UGP2: variants seen among roughly 807,000 people sequenced by gnomAD.
UGP2 encodes the protein UDP-glucose pyrophosphorylase 2.
Under a neutral mutation model 49.0 loss-of-function variants are expected in UGP2, and 40 were observed. The ratio of observed to expected loss-of-function variants is 0.82; its 90% confidence interval spans 0.63 to 1.06. The LOEUF (loss-of-function observed/expected upper bound fraction) is 1.06, where lower values mean the gene tolerates loss of function less well. Ranked by LOEUF, UGP2 falls within the 50% of genes least tolerant of loss-of-function variation. UGP2 has a pLI of 0.00. For missense variants in UGP2, 460 were observed against 603.5 expected (o/e 0.76, Z 2.49); for synonymous variants, 225 against 213.0 (o/e 1.06, Z -0.49).
At chr2:63,882,947 A>G (rs1263955565) in intron 4 of UGP2, among the ~76,000 whole-genome samples, 1 of 152,136 alleles carries the variant, frequency 6.6e-6, no homozygotes, top group Non-Finnish European at 1.5e-5. Context: ...AGCCTTCATC[A>G]AGGCTGGGAT....
intron 1 of UGP2, among the ~76,000 whole-genome samples, chr2:63,853,847 T>A (rs550610600): frequency 6.6e-6 from 1 of 152,246 alleles, no homozygotes; most frequent in East Asian, 1.9e-4. Flanking sequence ...ACAGGAAGAA[T>A]TAGGAAACTG....
chr2:63,877,854 G>A (rs866577470), intron 3 of UGP2, among the ~76,000 whole-genome samples: 25 of 151,176 alleles, frequency 1.7e-4, no homozygotes, highest in Non-Finnish European at 2.4e-4. Flanking sequence ...TTAGCCGGGC[G>A]CGGTGGCGGG....
intron 3 of UGP2, among the ~76,000 whole-genome samples, chr2:63,866,688 C>T (rs966165345): frequency 6.6e-6 from 1 of 152,064 alleles, no homozygotes; most frequent in African/African-American, 2.4e-5. Context: ...TTATAGTACT[C>T]CTGGAGAATA....
chr2:63,857,450 A>C, intron 2 of UGP2: 1 of 355,678 alleles, frequency 2.8e-6, no homozygotes, highest in East Asian at 8.5e-5. Context: ...TGCAGCCTCA[A>C]CTTCCTGGGC....
rs1671218992 is a variant in UGP2 at position 63,880,345 on chromosome 2, TG to T, written c.256-2120del. Among the ~76,000 whole-genome samples the T allele has an allele frequency of 6.6e-5, 10 of 152,096 alleles. No individual in the cohort carries two copies. In the South Asian group the frequency reaches 2.1e-3, roughly 32 times the overall value. The stretch of plus-strand genomic sequence containing the variant: ...TGCACCACCATGCCTGGCTAATTTT[TG>T]TATTTTTTGTAGGGTCGGGGTTTCA... On this transcript the variant is annotated intron_variant, in intron 3 of 9. Coordinates refer to ENST00000337130, the MANE Select transcript of UGP2 (RefSeq NM_006759.4).
intron 1 of UGP2, among the ~76,000 whole-genome samples, chr2:63,851,552 C>T (rs562435967): frequency 1.6e-4 from 24 of 152,254 alleles, no homozygotes; most frequent in African/African-American, 5.3e-4. Flanking sequence ...GAGATCAGGG[C>T]GGTTTCCCAG....
At chr2:63,859,488 T>C (rs747876053) in intron 3 of UGP2, among the ~76,000 whole-genome samples, 5 of 152,092 alleles carry the variant, frequency 3.3e-5, no homozygotes, top group Non-Finnish European at 5.9e-5. Flanking sequence ...GATCATGATA[T>C]ATAGTAGGGA....
Position 63,887,549 on chromosome 2 carries a change from A to G in UGP2, c.1219A>G (p.Asn407Asp). The G allele has an allele frequency of 1.2e-6, 2 of 1,614,142 alleles. No individual in the cohort carries two copies. Among genetic ancestry groups the G allele is most frequent in the East Asian group, 2.2e-5 (1 of 44,872 alleles). Residue 407 changes from asparagine (N) to aspartate (D), a missense_variant, in exon 8 of 10, where the codon AAC becomes GAC. By Grantham distance (23) the Asn-to-Asp change is conservative. Coordinates refer to ENST00000337130, the MANE Select transcript of UGP2 (RefSeq NM_006759.4). ...ATCAGATCTCTTGCTGGTGATGTCA[A>G]ACCTCTATAGTCTTAATGCAGGATC... ...TTSDLLLVMS[N>D]LYSLNAGSLT...
chr2:63,867,340 A>G lies in UGP2; in HGVS notation c.255+9404A>G, dbSNP rs139785194. The stretch of plus-strand genomic sequence containing the variant: ...TAGCCTCATTACTCCTTAACCATGT[A>G]ACATTGGGCAAGTTATTTAACTGCT... On this transcript the variant is annotated intron_variant, in intron 3 of 9. Transcript: ENST00000337130. Among the ~76,000 whole-genome samples, 8 of 152,326 alleles carry G rather than the reference A, an allele frequency of 5.3e-5. No homozygotes were observed. The East Asian group carries it at 1.5e-3, about 29-fold the overall frequency.
chr2:63,869,937 T>TC (rs1670436893), intron 3 of UGP2, among the ~76,000 whole-genome samples: 1 of 151,150 alleles, frequency 6.6e-6, no homozygotes. Flanking sequence ...TTTTTTTTTT[T>TC]TTTGAGACAG....
chr2:63,890,284 T>C (rs1672009120), intron 9 of UGP2, 99 bp downstream of exon 9: 1 of 784,000 alleles, frequency 1.3e-6, no homozygotes, highest in Non-Finnish European at 2.0e-6. Context: ...TACTTGTTAG[T>C]CTTAGTGCCA....
intron 1 of UGP2, 130 bp from the exon 2 acceptor site, chr2:63,856,176 C>A: frequency 1.7e-6 from 2 of 1,145,942 alleles, no homozygotes; most frequent in Non-Finnish European, 2.4e-6. Context: ...TGAATTACTG[C>A]CACAGGATAA....
chr2:63,872,711 AC>A (rs1670639144), intron 3 of UGP2, among the ~76,000 whole-genome samples: 1 of 151,996 alleles, frequency 6.6e-6, no homozygotes. Flanking sequence ...GGAAACAGCA[AC>A]TACATAATTT....
chr2:63,870,447 A>G (rs1262934439), intron 3 of UGP2, among the ~76,000 whole-genome samples: 1 of 152,206 alleles, frequency 6.6e-6, no homozygotes, highest in East Asian at 1.9e-4. Flanking sequence ...TTTATGACCT[A>G]TAAAATTTCT....
intron 3 of UGP2, among the ~76,000 whole-genome samples, chr2:63,865,509 C>G (rs1046162413): frequency 2.0e-5 from 3 of 150,884 alleles, no homozygotes; most frequent in African/African-American, 7.3e-5. Context: ...CTGGTGTTCT[C>G]CATTCTCAGA....
intron 3 of UGP2, among the ~76,000 whole-genome samples, chr2:63,866,478 GAAGTCCTAATCAAGTT>G (rs1284592231): frequency 6.6e-6 from 1 of 152,182 alleles, no homozygotes; most frequent in African/African-American, 2.4e-5. Flanking sequence ...GTGAGTTGGT[GAAGTCCTAATCAAGTT>G]AAGGATAAGA....
chr2:63,886,263 A>G lies in UGP2; in HGVS notation c.874-78A>G, dbSNP rs1305155192. 3.2e-5 allele frequency: 42 copies of G among 1,332,370 alleles called. No homozygotes were observed. The East Asian group carries it at 9.5e-4, about 30-fold the overall frequency. 82.5% of individuals were successfully genotyped at this position (1,332,370 alleles called of 1,614,324 possible). A position where few individuals can be genotyped will look rare whatever the true frequency, so the allele number is the denominator to read the frequency against. On this transcript the variant is annotated intron_variant, in intron 6 of 9. Coordinates refer to ENST00000337130, the MANE Select transcript of UGP2 (RefSeq NM_006759.4). Reference sequence around the variant, plus strand: ...CATAATGTATTTATATATTTTTTGTATAATCACTATCTTTGTATTTACAAA... The same window carrying G: ...CATAATGTATTTATATATTTTTTGTGTAATCACTATCTTTGTATTTACAAA...
In UGP2 at chr2:63,890,783, G is replaced by A. The variant is rs191261394; in HGVS notation, c.1420-337G>A. On this transcript the variant is annotated intron_variant, in intron 9 of 9. Coordinates refer to ENST00000337130, the MANE Select transcript of UGP2 (RefSeq NM_006759.4). ...AGCCCTATATGTAAATGTAAACCAAGCACCTTTTAATTTCTCTATGAAGGT... is the reference window on the plus strand; with the variant it reads ...AGCCCTATATGTAAATGTAAACCAAACACCTTTTAATTTCTCTATGAAGGT... Among the ~76,000 whole-genome samples, 22 of 152,228 alleles carry A rather than the reference G, an allele frequency of 1.4e-4. No homozygotes were observed. The East Asian group carries it at 1.9e-3, about 13-fold the overall frequency.
chr2:63,882,520 G>A lies in UGP2; in HGVS notation c.310G>A (p.Val104Met), dbSNP rs186397005. ...ARGLPDNISSVLNKLVVVKLN... is the reference protein window; with the variant it reads ...ARGLPDNISSMLNKLVVVKLN... ...GGGCTTGCCTGATAATATATCTTCC[G>A]TGTTGAACAAACTAGTGGTGGTGAA... The change falls in exon 4 of 10, where the codon GTG (valine) becomes ATG (methionine). Residue 104 changes from valine to methionine, a missense_variant. Val to Met is a conservative substitution (Grantham distance 21). Coordinates refer to ENST00000337130, the MANE Select transcript of UGP2 (RefSeq NM_006759.4). 47 of 1,612,276 alleles carry A rather than the reference G, an allele frequency of 2.9e-5. No individual in the cohort carries two copies. The highest frequency in any genetic ancestry group is 1.7e-4 in the Admixed American group (10 of 59,958).
Sources: allele counts gnomAD v4.1 joint callset (sites outside exome capture counted in the v4.1 genomes callset), GRCh38; gene constraint gnomAD v4.1.1; transcripts MANE v1.5; gene names NCBI Gene and HGNC (gene_info 2026-07-23, HGNC 2026-07-21).